The following ADAP1 variants were observed in gnomAD, a reference collection of about 807,000 sequenced individuals.
ADAP1 encodes ArfGAP with dual PH domains 1.
ADAP1 carries 31 observed loss-of-function variants against 54.9 expected under a neutral mutation model. The ratio of observed to expected loss-of-function variants is 0.56; its 90% CI spans 0.42 to 0.76. The LOEUF is 0.76. Among genes scored for constraint, ADAP1 ranks in the 30% least tolerant of loss-of-function variants. The probability of loss-of-function intolerance (pLI) is 0.00; values close to 1 mark genes in which losing one functional copy is unlikely to be tolerated. For missense variants in ADAP1, 535 were observed against 512.4 expected (o/e 1.04, Z -0.42); for synonymous variants, 313 against 202.6 (o/e 1.55, Z -4.63).
chr7:918,531 C>T (rs1003774528), intron 4 of ADAP1, among the ~76,000 whole-genome samples: 24 of 152,316 alleles, frequency 1.6e-4, no homozygotes, highest in Middle Eastern at 3.4e-3. Flanking sequence ...TCCAGGGCAG[C>T]CTCTCTCTTA....
chr7:953,930 C>T (rs913196588), intron 1 of ADAP1, among the ~76,000 whole-genome samples: 2 of 152,174 alleles, frequency 1.3e-5, no homozygotes, highest in African/African-American at 4.8e-5. Flanking sequence ...CCAGGGACCC[C>T]CGGTGCGGGA....
upstream of ADAP1, among the ~76,000 whole-genome samples, chr7:955,120 G>A (rs79672483): frequency 0.12 from 18,110 of 152,108 alleles, 1,265 homozygotes; most frequent in Middle Eastern, 0.2. Flanking sequence ...AGCGTCCCAG[G>A]GCACTGAGGC....
At chr7:915,662 A>AGGCAGGAATGGGATTCCAGTGG (rs1348511051) in intron 4 of ADAP1, among the ~76,000 whole-genome samples, 10 of 152,272 alleles carry the variant, frequency 6.6e-5, no homozygotes, top group South Asian at 4.1e-4. Context: ...ACAACAGCAA[A>AGGCAGGAATGGGATTCCAGTGG]GGCAGGAATG....
Position 905,133 on chromosome 7 carries a change from T to C in ADAP1, c.428A>G (p.Asn143Ser), listed in dbSNP as rs771065610. The change falls in exon 5 of 11, where the codon AAC becomes AGC. Residue 143 changes from asparagine to serine, a missense_variant. Physicochemically the swap from Asn to Ser is conservative, Grantham distance 46 (BLOSUM62 1). Transcript: ENST00000265846. ...EGFLWKRGRD[N>S]GQFLSRKFVL... ...AAACTTCCGGCTCAAAAACTGCCCG[T>C]TGTCCCGGCCACGCTTCCAGAGAAA... 3 of 1,612,378 alleles carry C rather than the reference T, an allele frequency of 1.9e-6. No homozygotes were observed. Among genetic ancestry groups the C allele is most frequent in the Admixed American group, 1.7e-5 (1 of 60,024 alleles).
chr7:936,168 G>T (rs1215433845), intron 1 of ADAP1, among the ~76,000 whole-genome samples: 1 of 152,188 alleles, frequency 6.6e-6, no homozygotes. Context: ...GCTGGACACA[G>T]TGGCTCAGGC....
At chr7:909,649 C>G (rs1002876410) in intron 4 of ADAP1, among the ~76,000 whole-genome samples, 2 of 152,266 alleles carry the variant, frequency 1.3e-5, no homozygotes, top group African/African-American at 2.4e-5. Context: ...CCAGCAACAG[C>G]CAGTGAGACG....
Position 938,250 on chromosome 7 carries a change from A to G in ADAP1, c.83-2745T>C, listed in dbSNP as rs1013562534. On this transcript the variant is annotated intron_variant, in intron 1 of 10. Transcript: ENST00000265846. The surrounding 1 kb of genome is among the most constrained non-coding windows in gnomAD (Gnocchi z 4.4). Reference sequence around the variant, plus strand: ...GTGCAGTGGTGCAATCACAGCTCACAGCTCACTGCAGCCTCCAACGCCTGG... The same window carrying G: ...GTGCAGTGGTGCAATCACAGCTCACGGCTCACTGCAGCCTCCAACGCCTGG... 3.3e-5 allele frequency among the ~76,000 whole-genome samples: 5 copies of G among 152,118 alleles called. No individual in the cohort carries two copies. The highest frequency in any genetic ancestry group is 1.3e-4 in the Admixed American group (2 of 15,274).
At chr7:911,595 G>C (rs1845726031) in intron 4 of ADAP1, among the ~76,000 whole-genome samples, 1 of 126,644 alleles carries the variant, frequency 7.9e-6, no homozygotes, top group Non-Finnish European at 1.7e-5. Context: ...GGGCCAGGAA[G>C]GGGGCGGGGG....
intron 1 of ADAP1, among the ~76,000 whole-genome samples, chr7:943,857 A>T (rs1376741613): frequency 6.7e-6 from 1 of 148,736 alleles, no homozygotes; most frequent in African/African-American, 2.5e-5. Flanking sequence ...AGGAAGGGAG[A>T]GAGGAGGAGG....
chr7:911,247 C>T (rs1375339306), intron 4 of ADAP1, among the ~76,000 whole-genome samples: 3 of 152,278 alleles, frequency 2.0e-5, no homozygotes, highest in Admixed American at 2.0e-4. Flanking sequence ...TCACCCTGTT[C>T]CTATTCTCAT....
Position 938,967 on chromosome 7 carries a change from G to A in ADAP1, c.83-3462C>T, listed in dbSNP as rs1271153002. On this transcript the variant is annotated intron_variant, in intron 1 of 10. Coordinates refer to ENST00000265846, the MANE Select transcript of ADAP1 (RefSeq NM_006869.4). The surrounding 1 kb of genome is among the most constrained non-coding windows in gnomAD (Gnocchi z 4.4). ...ACCTCCAACCTCACTCGGGTGCTCC[G>A]GGACAGGCTGTCCCTCTCCTGGCCT... Among the ~76,000 whole-genome samples, 1 of 152,170 alleles carries A rather than the reference G, an allele frequency of 6.6e-6. No individual in the cohort carries two copies. The highest frequency in any genetic ancestry group is 1.5e-5 in the Non-Finnish European group (1 of 68,028).
At chr7:935,332 AC>A (rs1562933242) in intron 2 of ADAP1, 42 bp downstream of exon 2, 1 of 1,539,914 alleles carries the variant, frequency 6.5e-7, no homozygotes, top group African/African-American at 1.4e-5. Flanking sequence ...GGCTGAGGCC[AC>A]CCGGGGACTG....
At position 930,208 on chromosome 7, in the gene ADAP1, C is replaced by T. The variant is rs534199183; in HGVS notation, c.214-3564G>A. 3.3e-5 allele frequency among the ~76,000 whole-genome samples: 5 copies of T among 150,328 alleles called. No individual in the cohort carries two copies. The South Asian group carries it at 8.4e-4, about 25-fold the overall frequency. On this transcript the variant is annotated intron_variant, in intron 2 of 10. Transcript: ENST00000265846. ...AAAACGCTGACCACTTTGACTATGT[C>T]GAAGTAAAAATTTCCACGGCAAAAA...
Position 926,181 on chromosome 7 carries a change from C to G in ADAP1, c.305+372G>C, listed in dbSNP as rs1022923291. Among the ~76,000 whole-genome samples, 6 of 147,200 alleles carry G rather than the reference C, an allele frequency of 4.1e-5. No homozygotes were observed. Among genetic ancestry groups the G allele is most frequent in the Non-Finnish European group, 3.0e-5 (2 of 66,494 alleles). ...ACCGGTACCCACGTCCGCTCCCGCC[C>G]TGAGGAGCCAGGGCAGGCCCCGAAA... On this transcript the variant is annotated intron_variant, in intron 3 of 10. Transcript: ENST00000265846. The surrounding 1 kb of genome is among the most constrained non-coding windows in gnomAD (Gnocchi z 4.6).
chr7:909,748 G>A (rs1429289383), intron 4 of ADAP1, among the ~76,000 whole-genome samples: 5 of 152,248 alleles, frequency 3.3e-5, no homozygotes, highest in African/African-American at 9.6e-5. Flanking sequence ...TTCTCTTAAA[G>A]GACTCGTGAG....
intron 1 of ADAP1, among the ~76,000 whole-genome samples, chr7:948,134 G>A (rs1345136428): frequency 2.6e-5 from 4 of 151,254 alleles, no homozygotes; most frequent in South Asian, 4.2e-4. Flanking sequence ...GGCCTTTCCC[G>A]CTCACAACCC....
At chr7:915,229 A>ACCTGCACAGCTCG (rs1554274110) in intron 4 of ADAP1, among the ~76,000 whole-genome samples, 1 of 150,524 alleles carries the variant, frequency 6.6e-6, no homozygotes, top group African/African-American at 2.5e-5. Context: ...CTGCACTCAC[A>ACCTGCACAGCTCG]CCTGCACACC....
In ADAP1 at chr7:945,652, C is replaced by G. The variant is rs1487749123; in HGVS notation, c.82+8744G>C. 1 of 836,596 alleles carries G rather than the reference C, an allele frequency of 1.2e-6. No homozygotes were observed. The highest frequency in any genetic ancestry group is 1.4e-6 in the Non-Finnish European group (1 of 694,376). 51.8% of individuals were successfully genotyped at this position (836,596 alleles called of 1,614,324 possible). On this transcript the variant is annotated intron_variant, in intron 1 of 10. Transcript: ENST00000265846. The surrounding 1 kb of genome is among the most constrained non-coding windows in gnomAD (Gnocchi z 4.2). ...GGGGCAGGCCCAAGACTCCAGCCCC[C>G]ACAAACATCCAGGCTGCCAGCACCG...
intron 5 of ADAP1, among the ~76,000 whole-genome samples, 181 bp downstream of exon 5, chr7:904,879 G>A (rs964076509): frequency 6.6e-6 from 1 of 152,234 alleles, no homozygotes; most frequent in African/African-American, 2.4e-5. Context: ...CACCCTGGGG[G>A]ACGCTGGGTC....
Sources: allele counts gnomAD v4.1 joint callset (sites outside exome capture counted in the v4.1 genomes callset), GRCh38; gene constraint gnomAD v4.1.1; non-coding constraint Gnocchi (gnomAD v3.1); transcripts MANE v1.5; gene names NCBI Gene and HGNC (gene_info 2026-07-23, HGNC 2026-07-21).